AOAH: variants seen among roughly 807,000 people sequenced by gnomAD.
AOAH encodes the protein acyloxyacyl hydrolase (neutrophil).
A neutral mutation model predicts 92.2 loss-of-function variants in AOAH; 64 were observed. The ratio of observed to expected loss-of-function variants is 0.69; its 90% confidence interval spans 0.57 to 0.86. AOAH has a LOEUF of 0.86. AOAH is among the 40% of genes least tolerant of loss of function. AOAH has a pLI of 0.00. For missense variants in AOAH, 656 were observed against 694.6 expected, an observed-to-expected ratio of 0.94 and a Z score of 0.62; for synonymous variants, 263 against 254.5, an observed-to-expected ratio of 1.03 and a Z score of -0.32.
intron 11 of AOAH, among the ~76,000 whole-genome samples, chr7:36,596,277 A>G (rs1343656908): frequency 6.6e-6 from 1 of 150,882 alleles, no homozygotes; most frequent in Non-Finnish European, 1.5e-5. Flanking sequence ...ATAAATCTTT[A>G]AACTGGGAAA....
intron 2 of AOAH, among the ~76,000 whole-genome samples, chr7:36,678,035 T>C (rs1796364797): frequency 6.6e-6 from 1 of 152,238 alleles, no homozygotes; most frequent in Non-Finnish European, 1.5e-5. Flanking sequence ...TGGTGACTGA[T>C]GAACACGCAA....
intron 11 of AOAH, among the ~76,000 whole-genome samples, chr7:36,615,178 A>C (rs1214438703): frequency 6.6e-6 from 1 of 152,226 alleles, no homozygotes; most frequent in Non-Finnish European, 1.5e-5. Context: ...GTGTAATTTC[A>C]GTGATTCCAT....
rs915931094 is a variant in AOAH, at chr7:36,614,651, G to A, written c.846+1729C>T. ...TGGCAATTAAATGGTGTCAATGGGGGAGGCCTGTGTTCCAATGTTAACCTT... is the reference window on the plus strand; with the variant it reads ...TGGCAATTAAATGGTGTCAATGGGGAAGGCCTGTGTTCCAATGTTAACCTT... On this transcript the variant is annotated intron_variant, in intron 11 of 20. Coordinates refer to ENST00000617537, the MANE Select transcript of AOAH (RefSeq NM_001637.4). The surrounding 1 kb of genome is among the most constrained non-coding windows in gnomAD (Gnocchi z 4.2). Among the ~76,000 whole-genome samples, 1 of 152,126 alleles carries A rather than the reference G, an allele frequency of 6.6e-6. No homozygotes were observed. The highest frequency in any genetic ancestry group is 2.4e-5 in the African/African-American group (1 of 41,424).
intron 15 of AOAH, 103 bp from the exon 16 acceptor site, chr7:36,540,594 A>T: frequency 2.0e-6 from 2 of 1,023,052 alleles, no homozygotes; most frequent in Non-Finnish European, 2.9e-6. Context: ...ACGCACACAC[A>T]CACACACAGT....
chr7:36,646,462 A>G (rs1351470352), intron 4 of AOAH, among the ~76,000 whole-genome samples: 1 of 152,188 alleles, frequency 6.6e-6, no homozygotes, highest in Admixed American at 6.5e-5. Context: ...TTCAGTCATA[A>G]GGGTCTTTTG....
intron 2 of AOAH, among the ~76,000 whole-genome samples, chr7:36,679,798 C>T (rs1253924184): frequency 6.6e-6 from 1 of 152,086 alleles, no homozygotes; most frequent in African/African-American, 2.4e-5. Flanking sequence ...GCTAGGACTA[C>T]AGGCACATGT....
At chr7:36,654,822 G>T (rs1318449828) in intron 4 of AOAH, among the ~76,000 whole-genome samples, 1 of 152,154 alleles carries the variant, frequency 6.6e-6, no homozygotes, top group Non-Finnish European at 1.5e-5. Context: ...CGGTGAATGA[G>T]AATTTGGACT....
At chr7:36,555,640 T>C (rs991481315) in intron 13 of AOAH, among the ~76,000 whole-genome samples, 1 of 152,152 alleles carries the variant, frequency 6.6e-6, no homozygotes, top group Non-Finnish European at 1.5e-5. Context: ...TGGTAAGCTA[T>C]TGATTATTGC....
chr7:36,536,335 C>T (rs997959049), intron 16 of AOAH, among the ~76,000 whole-genome samples: 1 of 152,182 alleles, frequency 6.6e-6, no homozygotes, highest in African/African-American at 2.4e-5. Flanking sequence ...CTATGATCAC[C>T]ACATTTCTAG....
At chr7:36,688,662 A>T (rs10253290) in intron 1 of AOAH, among the ~76,000 whole-genome samples, 1 of 152,034 alleles carries the variant, frequency 6.6e-6, no homozygotes, top group African/African-American at 2.4e-5. Context: ...CTTTCTGAAA[A>T]TTTATTTCTA....
In AOAH at chr7:36,627,079, G is replaced by C. The variant is rs76617727; in HGVS notation, c.522-3829C>G. Among the ~76,000 whole-genome samples the C allele has an allele frequency of 2.0e-4, 30 of 152,306 alleles. 1 individual carries two copies. In the East Asian group the frequency reaches 5.8e-3, roughly 29 times the overall value. ...TTCCACAGGCATTTTGGGAGTCCCT[G>C]CTGTGTGCTGGGAATCATATTAGAT... is the stretch of plus-strand genomic sequence containing the variant. On this transcript the variant is annotated intron_variant, in intron 6 of 20. Coordinates refer to ENST00000617537, the MANE Select transcript of AOAH (RefSeq NM_001637.4).
At chr7:36,579,993 A>T (rs1483944641) in intron 12 of AOAH, among the ~76,000 whole-genome samples, 1 of 152,206 alleles carries the variant, frequency 6.6e-6, no homozygotes, top group Non-Finnish European at 1.5e-5. Flanking sequence ...GTTAAGTATG[A>T]AGCAACTCTG....
intron 12 of AOAH, among the ~76,000 whole-genome samples, chr7:36,592,125 T>C (rs897032527): frequency 5.9e-5 from 9 of 152,236 alleles, no homozygotes; most frequent in Non-Finnish European, 1.2e-4. Flanking sequence ...TTAATTCTTT[T>C]TGTTATTGTC....
chr7:36,612,870 A>AT (rs1583943126), intron 11 of AOAH, among the ~76,000 whole-genome samples: 2 of 152,136 alleles, frequency 1.3e-5, no homozygotes, highest in Admixed American at 6.5e-5. Flanking sequence ...TAAAAATTAG[A>AT]TTTTTTTCTT....
chr7:36,634,755 C>CTAAT (rs1793402953), intron 5 of AOAH, among the ~76,000 whole-genome samples: 1 of 152,212 alleles, frequency 6.6e-6, no homozygotes, highest in Non-Finnish European at 1.5e-5. Context: ...AGGCCTTGGT[C>CTAAT]TAATTCTCCT....
In AOAH at chr7:36,687,452, G is replaced by A. The variant is rs1379908350; in HGVS notation, c.128-658C>T. Among the ~76,000 whole-genome samples the A allele has an allele frequency of 2.0e-5, 3 of 152,026 alleles. No homozygotes were observed. In the East Asian group the frequency reaches 5.8e-4, roughly 29 times the overall value. ...TCTGTTACTTTGATATGTGGTAAGTGTGAATGCCTAGAGCTCCTAGGCTGA... is the reference window on the plus strand; with the variant it reads ...TCTGTTACTTTGATATGTGGTAAGTATGAATGCCTAGAGCTCCTAGGCTGA... On this transcript the variant is annotated intron_variant, in intron 1 of 20. Coordinates refer to ENST00000617537, the MANE Select transcript of AOAH (RefSeq NM_001637.4).
In AOAH at chr7:36,621,756, C is replaced by G. The variant is rs1056892437; in HGVS notation, c.607G>C (p.Gly203Arg). The change falls in exon 8 of 21, where the codon GGG becomes CGG. Residue 203 changes from glycine (G) to arginine (R), a missense_variant. Physicochemically the swap from Gly to Arg is moderately radical, Grantham distance 125 (BLOSUM62 -2). Transcript: ENST00000617537. ...FPTLRGYHWR[G>R]RDCNDSDESV... ...TCGTCGCTGTCATTACAGTCTCTCC[C>G]CCGCCAGTGATAGCCCCGCAGTGTC... 6.2e-7 allele frequency: 1 copy of G among 1,614,170 alleles called. No homozygotes were observed. Among genetic ancestry groups the G allele is most frequent in the Admixed American group, 1.7e-5 (1 of 60,030 alleles).
At chr7:36,619,266 T>C (rs188506243) in intron 9 of AOAH, among the ~76,000 whole-genome samples, 11 of 152,320 alleles carry the variant, frequency 7.2e-5, no homozygotes, top group Admixed American at 6.5e-4. Flanking sequence ...TATGATGTTG[T>C]GGTTCTGTGA....
intron 13 of AOAH, among the ~76,000 whole-genome samples, chr7:36,562,421 T>C (rs1030560594): frequency 6.6e-6 from 1 of 152,210 alleles, no homozygotes; most frequent in Non-Finnish European, 1.5e-5. Flanking sequence ...GAAGTCTATA[T>C]TCTGATCCCT....
Sources: allele counts gnomAD v4.1 joint callset (sites outside exome capture counted in the v4.1 genomes callset), GRCh38; gene constraint gnomAD v4.1.1; non-coding constraint Gnocchi (gnomAD v3.1); transcripts MANE v1.5; gene names NCBI Gene and HGNC (gene_info 2026-07-23, HGNC 2026-07-21).